Variants in FHIT observed in about 807,000 individuals in gnomAD.
The protein encoded by FHIT is bis(5'-adenosyl)-triphosphatase.
In FHIT, 19 loss-of-function variants were observed where a neutral mutation model predicts 17.9. The observed-to-expected ratio is 1.06, with a 90% CI of 0.74 to 1.56. FHIT has a LOEUF of 1.56. Ranked by LOEUF, FHIT falls within the 40% of genes most tolerant of loss-of-function variation. FHIT has a pLI of 0.00. For missense variants in FHIT, 248 were observed against 189.2 expected (o/e 1.31, Z -1.82); for synonymous variants, 81 against 69.7 (o/e 1.16, Z -0.81).
At chr3:61,202,520 AAAGAG>A (rs1300782993) in intron 1 of FHIT, among the ~76,000 whole-genome samples, 2 of 152,174 alleles carry the variant, frequency 1.3e-5, no homozygotes, top group Admixed American at 6.5e-5. Flanking sequence ...AAAAAAAAAA[AAAGAG>A]AGAGAGAAAG....
chr3:60,028,842 T>C (rs1700863181), intron 5 of FHIT, among the ~76,000 whole-genome samples: 1 of 152,114 alleles, frequency 6.6e-6, no homozygotes, highest in Non-Finnish European at 1.5e-5. Context: ...CCAGAGGAAG[T>C]GACATCAAAA....
At chr3:60,384,650 A>T (rs1161278147) in intron 5 of FHIT, among the ~76,000 whole-genome samples, 1 of 152,100 alleles carries the variant, frequency 6.6e-6, no homozygotes, top group Non-Finnish European at 1.5e-5. Flanking sequence ...ACTCACATAA[A>T]AACTGCCAAG....
chr3:60,459,764 T>C (rs924201967), intron 5 of FHIT, among the ~76,000 whole-genome samples: 2 of 152,218 alleles, frequency 1.3e-5, no homozygotes, highest in East Asian at 3.8e-4. Flanking sequence ...ACTTAATTAA[T>C]TTTAAGGCAC....
chr3:60,434,349 T>A (rs931670178), intron 5 of FHIT, among the ~76,000 whole-genome samples: 11 of 152,132 alleles, frequency 7.2e-5, no homozygotes, highest in Non-Finnish European at 1.6e-4. Context: ...ATAGGCAAGT[T>A]AAATACTCAG....
chr3:60,982,714 T>G (rs986282546), intron 3 of FHIT, among the ~76,000 whole-genome samples: 5 of 152,222 alleles, frequency 3.3e-5, no homozygotes, highest in Admixed American at 2.0e-4. Context: ...TGTGATAAAC[T>G]GCCATTATTT....
intron 8 of FHIT, among the ~76,000 whole-genome samples, chr3:59,918,136 G>C (rs1049697049): frequency 6.6e-6 from 1 of 152,174 alleles, no homozygotes; most frequent in Non-Finnish European, 1.5e-5. Context: ...TGAATTGACC[G>C]TCTGAAGAGC....
intron 4 of FHIT, among the ~76,000 whole-genome samples, chr3:60,569,725 C>CTATATA (rs1219009137): frequency 2.3e-3 from 91 of 39,090 alleles, no homozygotes; most frequent in Admixed American, 7.2e-3. Flanking sequence ...TTTATTAATA[C>CTATATA]TATATATATA....
intron 8 of FHIT, among the ~76,000 whole-genome samples, chr3:59,904,657 T>A (rs371498161): frequency 1.8e-4 from 27 of 152,264 alleles, no homozygotes; most frequent in African/African-American, 5.5e-4. Context: ...GTTTGGTGGT[T>A]CCCTGAGCTC....
In FHIT at chr3:59,747,895, C is replaced by T. The variant is rs1700691210; in HGVS notation, c.*1690G>A. Among the ~76,000 whole-genome samples, 1 of 152,168 alleles carries T rather than the reference C, an allele frequency of 6.6e-6. No homozygotes were observed. Among genetic ancestry groups the T allele is most frequent in the African/African-American group, 2.4e-5 (1 of 41,464 alleles). ...TAAGATCTGGCCTCCACTGCTGTTTCTCCAAAGTTGGGAGTCAGTCATATT... is the reference window on the plus strand; with the variant it reads ...TAAGATCTGGCCTCCACTGCTGTTTTTCCAAAGTTGGGAGTCAGTCATATT... On this transcript the variant is annotated 3_prime_UTR_variant, in exon 10 of 10. Transcript: ENST00000492590.
intron 1 of FHIT, among the ~76,000 whole-genome samples, chr3:61,217,684 T>C (rs889710707): frequency 2.6e-5 from 4 of 152,144 alleles, no homozygotes; most frequent in African/African-American, 9.7e-5. Context: ...ATTGGATAAA[T>C]GTGCTGATGT....
intron 8 of FHIT, among the ~76,000 whole-genome samples, chr3:59,866,439 G>A (rs1702653480): frequency 6.6e-6 from 1 of 152,190 alleles, no homozygotes; most frequent in African/African-American, 2.4e-5. Context: ...GGGTGTCATT[G>A]TGTAGTGGTT....
intron 5 of FHIT, among the ~76,000 whole-genome samples, chr3:60,031,798 G>A (rs1336575802): frequency 6.6e-6 from 1 of 152,068 alleles, no homozygotes; most frequent in East Asian, 1.9e-4. Flanking sequence ...TGGATAAAAG[G>A]AAGGAAACAC....
chr3:60,406,186 ATGCT>A (rs1701851031), intron 5 of FHIT, among the ~76,000 whole-genome samples: 2 of 152,366 alleles, frequency 1.3e-5, no homozygotes, highest in Admixed American at 6.5e-5. Flanking sequence ...ATGTTGACAT[ATGCT>A]TGCTTATTAA....
At chr3:60,053,326 C>G (rs143314229) in intron 5 of FHIT, among the ~76,000 whole-genome samples, 2 of 150,534 alleles carry the variant, frequency 1.3e-5, no homozygotes, top group East Asian at 3.9e-4. Context: ...CTGTTGCCCT[C>G]ACCATTATGT....
chr3:60,200,500 A>G (rs530076816), intron 5 of FHIT, among the ~76,000 whole-genome samples: 1 of 152,242 alleles, frequency 6.6e-6, no homozygotes, highest in East Asian at 1.9e-4. Context: ...AGAGAATGTA[A>G]TTTTGTATAA....
chr3:60,753,921 A>C (rs1458711113), intron 4 of FHIT, among the ~76,000 whole-genome samples: 2 of 152,290 alleles, frequency 1.3e-5, no homozygotes, highest in Middle Eastern at 6.8e-3. Context: ...AGGATAAATA[A>C]AAGATTACAA....
intron 5 of FHIT, among the ~76,000 whole-genome samples, chr3:60,409,501 T>A (rs1701990146): frequency 6.6e-6 from 1 of 152,194 alleles, no homozygotes; most frequent in South Asian, 2.1e-4. Context: ...GGACTCTGGA[T>A]ATTTATAGCT....
At chr3:60,044,339 G>C (rs1370576393) in intron 5 of FHIT, among the ~76,000 whole-genome samples, 2 of 152,132 alleles carry the variant, frequency 1.3e-5, no homozygotes, top group African/African-American at 4.8e-5. Context: ...AAAGTTGTGA[G>C]GCAACGTCTT....
At chr3:60,139,740 C>T (rs910401619) in intron 5 of FHIT, among the ~76,000 whole-genome samples, 3 of 152,050 alleles carry the variant, frequency 2.0e-5, no homozygotes, top group South Asian at 2.1e-4. Flanking sequence ...TATGGAATTA[C>T]GTCCCGAGGT....
Sources: allele counts gnomAD v4.1 joint callset (sites outside exome capture counted in the v4.1 genomes callset), GRCh38; gene constraint gnomAD v4.1.1; transcripts MANE v1.5; gene names NCBI Gene and HGNC (gene_info 2026-07-23, HGNC 2026-07-21).